Variants in STK3 observed in about 807,000 individuals in gnomAD.
STK3 encodes serine/threonine kinase 3, also known as serine/threonine-protein kinase 3.
Under a neutral mutation model 58.0 loss-of-function variants are expected in STK3, and 41 were observed. The ratio of observed to expected loss-of-function variants is 0.71; its 90% CI spans 0.55 to 0.92. STK3 has a LOEUF of 0.92. Among genes scored for constraint, STK3 ranks in the 40% least tolerant of loss-of-function variants. The probability of loss-of-function intolerance (pLI) is 0.00; values close to 1 mark genes in which losing one functional copy is unlikely to be tolerated. For missense variants in STK3, 479 were observed against 602.7 expected (o/e 0.79, Z 2.15); for synonymous variants, 170 against 191.0 (o/e 0.89, Z 0.91).
intron 3 of STK3, among the ~76,000 whole-genome samples, chr8:98,762,096 G>A (rs1314207882): frequency 6.6e-6 from 1 of 152,062 alleles, no homozygotes; most frequent in Non-Finnish European, 1.5e-5. Context: ...CCAAACATGA[G>A]GTGTTAGATA....
downstream of STK3, among the ~76,000 whole-genome samples, chr8:98,451,055 A>G (rs1819176016): frequency 6.6e-6 from 1 of 152,174 alleles, no homozygotes; most frequent in African/African-American, 2.4e-5. Context: ...GGGAATATGC[A>G]TCTTCTTGTG....
chr8:98,480,554 A>G (rs963113804), intron 10 of STK3, among the ~76,000 whole-genome samples: 3 of 152,220 alleles, frequency 2.0e-5, no homozygotes, highest in African/African-American at 7.2e-5. Context: ...ATTTCAAAAA[A>G]AACAAGAACA....
At chr8:98,668,909 T>A (rs1822567748) in intron 6 of STK3, among the ~76,000 whole-genome samples, 1 of 151,862 alleles carries the variant, frequency 6.6e-6, no homozygotes, top group African/African-American at 2.4e-5. Flanking sequence ...GTTTTCTGTA[T>A]AATTCCAATT....
chr8:98,459,107 G>A (rs1423310022), intron 10 of STK3, among the ~76,000 whole-genome samples: 1 of 152,210 alleles, frequency 6.6e-6, no homozygotes. Flanking sequence ...CTTGTTGAAT[G>A]GTTTTGGCCA....
intron 6 of STK3, among the ~76,000 whole-genome samples, chr8:98,685,787 G>A (rs1447579052): frequency 6.6e-6 from 1 of 151,966 alleles, no homozygotes; most frequent in Non-Finnish European, 1.5e-5. Flanking sequence ...GAAACCAAAG[G>A]TAGAGAGGGG....
chr8:98,826,549 A>C (rs2131768427), upstream of STK3, among the ~76,000 whole-genome samples: 1 of 152,346 alleles, frequency 6.6e-6, no homozygotes, highest in South Asian at 2.1e-4. Context: ...ATACTCAAGA[A>C]AAGTTTGTTT....
chr8:98,412,395 G>C (rs373079895), intron 3 of STK3, among the ~76,000 whole-genome samples: 119 of 152,224 alleles, frequency 7.8e-4, no homozygotes, highest in African/African-American at 2.8e-3. Flanking sequence ...CCTTCAAATG[G>C]AGCCGCTAAC....
At chr8:98,588,271 G>A (rs540624369) in intron 7 of STK3, among the ~76,000 whole-genome samples, 4 of 151,692 alleles carry the variant, frequency 2.6e-5, no homozygotes, top group African/African-American at 7.3e-5. Context: ...GCTTCCTTCA[G>A]GAGCTCTTTT....
chr8:98,878,988 T>C (rs1421068346), downstream of STK3: 1 of 145,912 alleles, frequency 6.9e-6, no homozygotes, highest in East Asian at 2.1e-4. Flanking sequence ...AACCTCGGCC[T>C]CCTGGGTTCA....
At chr8:98,563,855 G>A (rs1449503927) in intron 8 of STK3, among the ~76,000 whole-genome samples, 2 of 151,974 alleles carry the variant, frequency 1.3e-5, no homozygotes, top group Admixed American at 6.6e-5. Context: ...ATATTGATGC[G>A]AATGACTGAA....
intron 3 of STK3, among the ~76,000 whole-genome samples, chr8:98,845,704 A>C (rs1033223545): frequency 1.3e-5 from 2 of 152,214 alleles, no homozygotes; most frequent in African/African-American, 4.8e-5. Context: ...ATGACAGAAA[A>C]TCAACTTCAA....
At chr8:98,503,105 T>G (rs2131370781) in intron 10 of STK3, among the ~76,000 whole-genome samples, 1 of 152,308 alleles carries the variant, frequency 6.6e-6, no homozygotes, top group East Asian at 1.9e-4. Flanking sequence ...TATTCAGAGA[T>G]TCAACTTCTT....
intron 8 of STK3, among the ~76,000 whole-genome samples, chr8:98,570,625 CA>C (rs201218163): frequency 1.3e-5 from 2 of 150,874 alleles, no homozygotes; most frequent in African/African-American, 2.4e-5. Context: ...GGGCAACCAG[CA>C]AAAAAAACCC....
At chr8:98,546,459 G>C (rs1810711936) in intron 9 of STK3, among the ~76,000 whole-genome samples, 1 of 152,120 alleles carries the variant, frequency 6.6e-6, no homozygotes, top group South Asian at 2.1e-4. Flanking sequence ...AAGGAGCTCA[G>C]TAACTCCCTA....
intron 10 of STK3, among the ~76,000 whole-genome samples, chr8:98,477,644 G>A (rs1804472568): frequency 7.1e-6 from 1 of 141,772 alleles, no homozygotes; most frequent in Admixed American, 7.7e-5. Context: ...GGCTTGGGAA[G>A]CTGAAATTCT....
intron 3 of STK3, among the ~76,000 whole-genome samples, chr8:98,830,969 CA>C (rs760622434): frequency 4.3e-3 from 255 of 59,902 alleles, no homozygotes; most frequent in South Asian, 0.01. Flanking sequence ...GACTCTGTCT[CA>C]AAAAAAAAAA....
intron 10 of STK3, among the ~76,000 whole-genome samples, chr8:98,485,443 C>T (rs4370499): frequency 0.34 from 52,126 of 151,984 alleles, 9,686 homozygotes; most frequent in Admixed American, 0.51. Flanking sequence ...CAGCAGAAGA[C>T]AGTCCTTCTT....
chr8:98,381,926 C>T (rs1403339959), intron 1 of STK3, among the ~76,000 whole-genome samples: 3 of 152,162 alleles, frequency 2.0e-5, no homozygotes, highest in Non-Finnish European at 4.4e-5. Context: ...TAGATTTTTC[C>T]ATTCATTTTG....
At chr8:98,673,023 C>T (rs2130852671) in intron 6 of STK3, among the ~76,000 whole-genome samples, 1 of 152,038 alleles carries the variant, frequency 6.6e-6, no homozygotes, top group East Asian at 1.9e-4. Context: ...GTATTTAGTT[C>T]CAAAAATATC....
Sources: allele counts gnomAD v4.1 joint callset (sites outside exome capture counted in the v4.1 genomes callset), GRCh38; gene constraint gnomAD v4.1.1; transcripts MANE v1.5; gene names NCBI Gene and HGNC (gene_info 2026-07-23, HGNC 2026-07-21).